MID1: variants seen among roughly 807,000 people sequenced by gnomAD.
MID1 encodes midline 1.
A neutral mutation model predicts 40.4 loss-of-function variants in MID1; 7 were observed. The observed-to-expected ratio is 0.17, with a 90% CI of 0.10 to 0.33. The LOEUF (loss-of-function observed/expected upper bound fraction) is 0.33, where lower values mean the gene tolerates loss of function less well. Among genes scored for constraint, MID1 ranks in the 10% least tolerant of loss-of-function variants. MID1 has a pLI of 1.00. For missense variants in MID1, 367 were observed against 558.5 expected (o/e 0.66, Z 3.46); for synonymous variants, 229 against 221.2 (o/e 1.04, Z -0.31).
At chrX:10,804,338 T>C (rs1191819349) in intron 1 of MID1, among the ~76,000 whole-genome samples, 1 of 112,239 alleles carries the variant, frequency 8.9e-6, no homozygotes, top group Non-Finnish European at 1.9e-5. Flanking sequence ...GAATGCCTTG[T>C]AATTTTTTTG....
At chrX:10,760,518 T>C (rs1052281680) in intron 1 of MID1, among the ~76,000 whole-genome samples, 1 of 111,959 alleles carries the variant, frequency 8.9e-6, no homozygotes, top group Non-Finnish European at 1.9e-5. Context: ...AGTATTAATA[T>C]GGAGTTGTCT....
At chrX:10,829,348 C>T (rs767442289) in intron 1 of MID1, among the ~76,000 whole-genome samples, 16 of 111,859 alleles carry the variant, frequency 1.4e-4, no homozygotes, top group Non-Finnish European at 2.6e-4. Context: ...TGCTTAATTT[C>T]ATTTTTGTCT....
chrX:10,584,958 A>C (rs1602437919), intron 1 of MID1, among the ~76,000 whole-genome samples: 1 of 111,031 alleles, frequency 9.0e-6, no homozygotes, highest in Non-Finnish European at 1.9e-5. Flanking sequence ...GGGGGGGTCC[A>C]CGTGAGAGGG....
chrX:10,604,939 G>A (rs1475456940), intron 1 of MID1, among the ~76,000 whole-genome samples: 1 of 112,510 alleles, frequency 8.9e-6, no homozygotes, highest in African/African-American at 3.2e-5. Context: ...AAAAATTGAA[G>A]TCTATTTTTT....
chrX:10,716,190 T>C (rs981872742), intron 1 of MID1, among the ~76,000 whole-genome samples: 2 of 112,028 alleles, frequency 1.8e-5, no homozygotes, highest in Non-Finnish European at 3.8e-5. Flanking sequence ...CAAAGCTGCA[T>C]GGAGAATGAT....
At chrX:10,749,568 A>G (rs1215975860) in intron 1 of MID1, among the ~76,000 whole-genome samples, 1 of 112,184 alleles carries the variant, frequency 8.9e-6, no homozygotes, top group Non-Finnish European at 1.9e-5. Flanking sequence ...GAGGCTGGGT[A>G]ACCTATAAAG....
chrX:10,641,699 C>T (rs971341418), intron 1 of MID1, among the ~76,000 whole-genome samples: 40 of 111,705 alleles, frequency 3.6e-4, no homozygotes, highest in African/African-American at 1.3e-3. Context: ...CAAAGCCTGG[C>T]AGAGACACAA....
At chrX:10,759,711 A>G (rs2043662349) in intron 1 of MID1, among the ~76,000 whole-genome samples, 1 of 111,030 alleles carries the variant, frequency 9.0e-6, no homozygotes, top group African/African-American at 3.3e-5. Context: ...TGCCTGCCCC[A>G]TACAGGAATC....
chrX:10,561,090 C>T (rs1239668949), intron 2 of MID1, among the ~76,000 whole-genome samples: 2 of 106,645 alleles, frequency 1.9e-5, no homozygotes, highest in African/African-American at 3.7e-5. Flanking sequence ...TGATCTTTGA[C>T]AAACCTGACA....
chrX:10,752,458 G>A (rs1443720352), intron 1 of MID1, among the ~76,000 whole-genome samples: 1 of 111,614 alleles, frequency 9.0e-6, no homozygotes, highest in African/African-American at 3.3e-5. Flanking sequence ...CTAAAAAATG[G>A]GATAATCATA....
chrX:10,586,197 T>A (rs755210773), intron 1 of MID1, among the ~76,000 whole-genome samples: 31 of 111,723 alleles, frequency 2.8e-4, no homozygotes, highest in Non-Finnish European at 3.2e-4. Flanking sequence ...TTCAGTGACT[T>A]GATGTATATA....
intron 3 of MID1, among the ~76,000 whole-genome samples, chrX:10,518,115 T>C: frequency 1.8e-5 from 2 of 112,123 alleles, no homozygotes; most frequent in African/African-American, 6.5e-5. Context: ...AATATTTGTT[T>C]AGCAAACACT....
chrX:10,729,420 C>T (rs934877896), intron 1 of MID1, among the ~76,000 whole-genome samples: 1 of 111,947 alleles, frequency 8.9e-6, no homozygotes, highest in African/African-American at 3.2e-5. Flanking sequence ...TGAAAATTTG[C>T]TCAAAAATTA....
intron 1 of MID1, among the ~76,000 whole-genome samples, chrX:10,797,105 T>C (rs759361287): frequency 1.1e-4 from 12 of 111,246 alleles, no homozygotes; most frequent in Non-Finnish European, 1.7e-4. Context: ...AAAATTTGGG[T>C]GCTGATTTTA....
chrX:10,704,735 T>TACACAC (rs1449236211), intron 1 of MID1, among the ~76,000 whole-genome samples: 107 of 84,871 alleles, frequency 1.3e-3, no homozygotes, highest in African/African-American at 5.5e-3. Context: ...TATATATATA[T>TACACAC]ATATACACAC....
intron 1 of MID1, among the ~76,000 whole-genome samples, chrX:10,579,458 C>G (rs1934953269): frequency 1.8e-5 from 2 of 112,094 alleles, no homozygotes; most frequent in African/African-American, 6.5e-5. Context: ...TCTCTGAACA[C>G]TGGAAAGCTT....
chrX:10,776,799 T>G (rs1203637519), intron 1 of MID1, among the ~76,000 whole-genome samples: 1 of 111,699 alleles, frequency 9.0e-6, no homozygotes, highest in Non-Finnish European at 1.9e-5. Flanking sequence ...GTTTTAAAAA[T>G]AAAAAAAAGA....
chrX:10,820,172 C>G (rs150329776), intron 1 of MID1, among the ~76,000 whole-genome samples: 13 of 112,233 alleles, frequency 1.2e-4, no homozygotes, highest in Non-Finnish European at 2.3e-4. Flanking sequence ...CTGTGCTGGA[C>G]ACATGCACAG....
At chrX:10,817,781 G>A (rs776239499) in intron 1 of MID1, among the ~76,000 whole-genome samples, 1 of 108,997 alleles carries the variant, frequency 9.2e-6, no homozygotes, top group East Asian at 2.9e-4. Context: ...CACCACGCCT[G>A]GCAATTTTTG....
Sources: allele counts gnomAD v4.1 joint callset (sites outside exome capture counted in the v4.1 genomes callset), GRCh38; gene constraint gnomAD v4.1.1; transcripts MANE v1.5; gene names NCBI Gene and HGNC (gene_info 2026-07-23, HGNC 2026-07-21).